The following IQCF3 variants were observed in gnomAD, a reference collection of about 807,000 sequenced individuals.
IQCF3 encodes the protein IQ motif containing F3, also known as IQ domain-containing protein F3.
IQCF3 carries 7 observed loss-of-function variants against 5.1 expected under a neutral mutation model. That is an observed-to-expected ratio of 1.36 (90% CI 0.78 to 2.56). IQCF3 has a LOEUF of 2.56. Ranked by LOEUF, IQCF3 falls within the 30% of genes most tolerant of loss-of-function variation. The probability of loss-of-function intolerance (pLI) is 0.00; values close to 1 mark genes in which losing one functional copy is unlikely to be tolerated. For missense variants in IQCF3, 189 were observed against 196.5 expected (o/e 0.96, Z 0.23); for synonymous variants, 82 against 72.8 (o/e 1.13, Z -0.64).
At position 51,829,675 on chromosome 3, in the gene IQCF3, C is replaced by A. The variant is rs1169894311; in HGVS notation, c.29C>A (p.Pro10Gln). The A allele has an allele frequency of 6.2e-7, 1 of 1,613,708 alleles. No individual in the cohort carries two copies. The highest frequency in any genetic ancestry group is 2.2e-5 in the East Asian group (1 of 44,896). MGSKCCKGG[P>Q]DEDAVERQRR... Reference sequence around the variant, plus strand: ...ATATTCCGATTGCAGAAAGGTGGTCCAGATGAAGATGCAGTAGAAAGACAG... The same window carrying A: ...ATATTCCGATTGCAGAAAGGTGGTCAAGATGAAGATGCAGTAGAAAGACAG... Residue 10 changes from proline to glutamine, a missense_variant, in exon 2 of 3, where the codon CCA (proline) becomes CAA (glutamine). Physicochemically the swap from Pro to Gln is moderately conservative, Grantham distance 76. Coordinates refer to ENST00000440739, the MANE Select transcript of IQCF3 (RefSeq NM_001393887.1).
rs191553490 is a variant in IQCF3, at chr3:51,830,850, A to C, written c.*49A>C. On this transcript the variant is annotated 3_prime_UTR_variant, in exon 3 of 3. Transcript: ENST00000440739. The surrounding 1 kb of genome is among the most constrained non-coding windows in gnomAD (Gnocchi z 4.1). ...GCTGCACTACCCTAATAAATGTCTG[A>C]CCAGGTTGTGTGAGTCTCAGTGATT... The C allele has an allele frequency of 9.8e-5, 147 of 1,505,386 alleles. 2 individuals are homozygous for C. The Admixed American group carries it at 3.0e-3, about 31-fold the overall frequency. 93.3% of individuals were successfully genotyped at this position (1,505,386 alleles called of 1,614,324 possible).
chr3:51,828,378 A>G (rs1478368951), upstream of IQCF3, among the ~76,000 whole-genome samples: 1 of 152,232 alleles, frequency 6.6e-6, no homozygotes, highest in Non-Finnish European at 1.5e-5. Context: ...AGTTTTTAAC[A>G]TGAAGAGATG....
In IQCF3 at chr3:51,830,493, C is replaced by T; in HGVS notation, c.157C>T (p.Leu53=). 3 of 1,613,740 alleles carry T rather than the reference C, an allele frequency of 1.9e-6. No homozygotes were observed. Among genetic ancestry groups the T allele is most frequent in the Non-Finnish European group, 2.5e-6 (3 of 1,179,764 alleles). ...GCGTGGGGTCCTGGTGCGCAGGACC[C>T]TGCTGGTTGCTGCCCTCAGGGCCTG... ...WWRGVLVRRT[L]LVAALRAWMI... Residue 53 remains leucine (L), a synonymous_variant, in exon 3 of 3, where the codon CTG becomes TTG. Transcript: ENST00000440739. This position sits in a 1 kb window ranked among gnomAD's most constrained non-coding sequence, Gnocchi z 4.1.
upstream of IQCF3, chr3:51,827,004 A>T: frequency 6.5e-6 from 1 of 152,708 alleles, no homozygotes. Flanking sequence ...CCCCAGAAGA[A>T]TGACCAGGCA....
chr3:51,829,663 A>G lies in IQCF3; in HGVS notation c.19-2A>G. The G allele has an allele frequency of 6.2e-7, 1 of 1,613,794 alleles. No homozygotes were observed. Among genetic ancestry groups the G allele is most frequent in the Non-Finnish European group, 8.5e-7 (1 of 1,179,836 alleles). On this transcript the variant is annotated splice_acceptor_variant, in intron 1 of 2. Transcript: ENST00000440739. LOFTEE classifies it high-confidence loss of function. ...TCCCCCACACCCATATTCCGATTGC[A>G]GAAAGGTGGTCCAGATGAAGATGCA...
At chr3:51,829,523 G>T (rs1485907840) in intron 1 of IQCF3, 30 bp downstream of exon 1, 3 of 1,596,290 alleles carry the variant, frequency 1.9e-6, no homozygotes, top group Non-Finnish European at 2.6e-6. Context: ...ACTCCCCCAG[G>T]GGTGGGAGTT....
chr3:51,829,030 A>C (rs1698327405), upstream of IQCF3, among the ~76,000 whole-genome samples: 2 of 152,212 alleles, frequency 1.3e-5, no homozygotes, highest in Non-Finnish European at 2.9e-5. Flanking sequence ...GTCTTATAAA[A>C]ACATTTACAT....
In IQCF3 at chr3:51,830,257, G is replaced by A. The variant is rs1698347691; in HGVS notation, c.67-146G>A. On this transcript the variant is annotated intron_variant, in intron 2 of 2. Transcript: ENST00000440739. The surrounding 1 kb of genome is among the most constrained non-coding windows in gnomAD (Gnocchi z 4.1). ...CACTGGGACTGTGAGGGTGTCCAGAGCCATGAACAGGACAGAAGTAGAGGA... is the reference window on the plus strand; with the variant it reads ...CACTGGGACTGTGAGGGTGTCCAGAACCATGAACAGGACAGAAGTAGAGGA... The A allele has an allele frequency of 6.5e-6, 5 of 772,948 alleles. No homozygotes were observed. The highest frequency in any genetic ancestry group is 1.0e-5 in the Non-Finnish European group (5 of 491,776). 47.9% of individuals were successfully genotyped at this position (772,948 alleles called of 1,614,324 possible).
chr3:51,829,811 C>G, intron 2 of IQCF3, 99 bp downstream of exon 2: 1 of 1,177,650 alleles, frequency 8.5e-7, no homozygotes, highest in Non-Finnish European at 1.2e-6. Flanking sequence ...GCATTGCCCT[C>G]TTATCCCCTC....
chr3:51,829,824 G>A (rs1452822959), intron 2 of IQCF3, 112 bp downstream of exon 2: 1 of 1,056,578 alleles, frequency 9.5e-7, no homozygotes, highest in Non-Finnish European at 1.4e-6. Context: ...ATCCCCTCAA[G>A]CCCTCCCTCT....
At chr3:51,828,856 T>G (rs1459186366), upstream of IQCF3, 1 of 153,160 alleles carries the variant, frequency 6.5e-6, no homozygotes, top group Admixed American at 6.5e-5. Flanking sequence ...ATTAGTCTGT[T>G]CAGGGAATCA....
intron 2 of IQCF3, 158 bp downstream of exon 2, chr3:51,829,870 T>TA (rs1311201184): frequency 2.8e-6 from 2 of 718,296 alleles, no homozygotes; most frequent in Non-Finnish European, 4.7e-6. Flanking sequence ...AGATAGACAG[T>TA]AAAAGGGGAG....
chr3:51,827,135 C>G (rs1346322547), upstream of IQCF3: 2 of 152,216 alleles, frequency 1.3e-5, no homozygotes, highest in African/African-American at 4.8e-5. Flanking sequence ...CAAACCATGG[C>G]AATCAAGAGC....
At chr3:51,829,524 G>A in intron 1 of IQCF3, 31 bp downstream of exon 1, 1 of 1,595,776 alleles carries the variant, frequency 6.3e-7, no homozygotes, top group Non-Finnish European at 8.5e-7. Context: ...CTCCCCCAGG[G>A]GTGGGAGTTG....
At position 51,830,844 on chromosome 3, in the gene IQCF3, T is replaced by A; in HGVS notation, c.*43T>A. Reference sequence around the variant, plus strand: ...GAACAGGCTGCACTACCCTAATAAATGTCTGACCAGGTTGTGTGAGTCTCA... The same window carrying A: ...GAACAGGCTGCACTACCCTAATAAAAGTCTGACCAGGTTGTGTGAGTCTCA... On this transcript the variant is annotated 3_prime_UTR_variant, in exon 3 of 3. Coordinates refer to ENST00000440739, the MANE Select transcript of IQCF3 (RefSeq NM_001393887.1). This position sits in a 1 kb window ranked among gnomAD's most constrained non-coding sequence, Gnocchi z 4.1. 6.6e-7 allele frequency: 1 copy of A among 1,512,150 alleles called. No individual in the cohort carries two copies. The highest frequency in any genetic ancestry group is 8.9e-7 in the Non-Finnish European group (1 of 1,129,836). The allele number at this position is 1,512,150 out of a possible 1,614,324, so 93.7% of individuals were successfully genotyped here.
chr3:51,830,512 G>A lies in IQCF3; in HGVS notation c.176G>A (p.Arg59Lys). Residue 59 changes from arginine (R) to lysine (K), a missense_variant, in exon 3 of 3, where the codon AGG (arginine) becomes AAG (lysine). Physicochemically the swap from Arg to Lys is conservative, Grantham distance 26. Coordinates refer to ENST00000440739, the MANE Select transcript of IQCF3 (RefSeq NM_001393887.1). The surrounding 1 kb of genome is among the most constrained non-coding windows in gnomAD (Gnocchi z 4.1). ...AGGACCCTGCTGGTTGCTGCCCTCA[G>A]GGCCTGGATGATTCAGTGCTGGTGG... ...VRRTLLVAAL[R>K]AWMIQCWWRT... 1 of 1,613,892 alleles carries A rather than the reference G, an allele frequency of 6.2e-7. No individual in the cohort carries two copies. The highest frequency in any genetic ancestry group is 2.2e-5 in the East Asian group (1 of 44,896).
chr3:51,830,468 G>T lies in IQCF3; in HGVS notation c.132G>T (p.Trp44Cys). 1 of 1,606,122 alleles carries T rather than the reference G, an allele frequency of 6.2e-7. No individual in the cohort carries two copies. Among genetic ancestry groups the T allele is most frequent in the Non-Finnish European group, 8.5e-7 (1 of 1,176,428 alleles). Residue 44 changes from tryptophan (W) to cysteine (C), a missense_variant, in exon 3 of 3, where the codon TGG becomes TGT. By Grantham distance (215) the Trp-to-Cys change is radical (BLOSUM62 -2). Coordinates refer to ENST00000440739, the MANE Select transcript of IQCF3 (RefSeq NM_001393887.1). The surrounding 1 kb of genome is among the most constrained non-coding windows in gnomAD (Gnocchi z 4.1). ...VKAAGQIQAW[W>C]RGVLVRRTLL... ...CAGCTGGGCAGATCCAGGCCTGGTG[G>T]CGTGGGGTCCTGGTGCGCAGGACCC...
In IQCF3 at chr3:51,829,502, C is replaced by A; in HGVS notation, c.18+9C>A. ...TGGGCAGTAAATGCTGTGTAAGACT[C>A]AGGCACACAAACTCCCCCAGGGGTG... On this transcript the variant is annotated intron_variant, in intron 1 of 2. Transcript: ENST00000440739. 2 of 1,597,986 alleles carry A rather than the reference C, an allele frequency of 1.3e-6. No individual in the cohort carries two copies. The highest frequency in any genetic ancestry group is 2.3e-5 in the East Asian group (1 of 44,094).
chr3:51,828,175 G>A (rs1361537603), upstream of IQCF3: 1 of 151,438 alleles, frequency 6.6e-6, no homozygotes, highest in East Asian at 1.9e-4. Flanking sequence ...TTTCCTTGAT[G>A]TTCTGAAGCT....
Sources: gnomAD v4.1 joint callset for allele counts (sites outside exome capture counted in the v4.1 genomes callset) on GRCh38, gnomAD v4.1.1 for gene constraint, Gnocchi (gnomAD v3.1) non-coding constraint, MANE v1.5 for transcripts, NCBI Gene and HGNC (gene_info 2026-07-23, HGNC 2026-07-21) for gene names.